Variants in SUGCT observed in about 807,000 individuals in gnomAD.
The protein encoded by SUGCT is succinyl-CoA:glutarate CoA-transferase.
In SUGCT, 41 loss-of-function variants were observed where a neutral mutation model predicts 55.0. The observed-to-expected ratio is 0.74, with a 90% CI of 0.58 to 0.97. The LOEUF (loss-of-function observed/expected upper bound fraction) is 0.97, where lower values mean the gene tolerates loss of function less well. Among genes scored for constraint, SUGCT ranks in the 50% least tolerant of loss-of-function variants. The pLI, the probability that SUGCT is intolerant of heterozygous loss-of-function variation, is 0.00. For missense variants in SUGCT, 568 were observed against 547.8 expected (o/e 1.04, Z -0.37); for synonymous variants, 187 against 200.4 (o/e 0.93, Z 0.56).
intron 13 of SUGCT, among the ~76,000 whole-genome samples, chr7:40,841,875 C>T (rs781258472): frequency 2.6e-4 from 39 of 152,006 alleles, no homozygotes; most frequent in Non-Finnish European, 5.0e-4. Context: ...GAATATTACT[C>T]GTGTATTTAA....
At chr7:40,522,562 C>T (rs1793594161) in intron 12 of SUGCT, among the ~76,000 whole-genome samples, 1 of 152,008 alleles carries the variant, frequency 6.6e-6, no homozygotes. Context: ...CCTCACTTGA[C>T]CCATCCTGAT....
chr7:40,939,804 CA>C, the SUGCT span, among the ~76,000 whole-genome samples: 1 of 152,028 alleles, frequency 6.6e-6, no homozygotes, highest in Non-Finnish European at 1.5e-5. Flanking sequence ...GCATAGTTTG[CA>C]AATATTTTCT....
chr7:40,725,355 T>C (rs1346861803), intron 12 of SUGCT, among the ~76,000 whole-genome samples: 1 of 152,210 alleles, frequency 6.6e-6, no homozygotes, highest in Non-Finnish European at 1.5e-5. Flanking sequence ...TATACTTTTA[T>C]GGTATGCATT....
At chr7:40,291,535 T>G in intron 8 of SUGCT, among the ~76,000 whole-genome samples, 2 of 146,398 alleles carry the variant, frequency 1.4e-5, no homozygotes, top group East Asian at 2.1e-4. Flanking sequence ...GGGATAGCAT[T>G]AGGAGATATA....
chr7:40,599,243 G>C lies in SUGCT; in HGVS notation c.1089+102857G>C, dbSNP rs138765875. Reference sequence around the variant, plus strand: ...ACAGGATACCATAGGGTTGGGAGAGGGTTTCTCAGAAGTTTGTGGGTAGCG... The same window carrying C: ...ACAGGATACCATAGGGTTGGGAGAGCGTTTCTCAGAAGTTTGTGGGTAGCG... On this transcript the variant is annotated intron_variant, in intron 12 of 13. Transcript: ENST00000335693. 2.0e-4 allele frequency among the ~76,000 whole-genome samples: 31 copies of C among 152,208 alleles called. No homozygotes were observed. The East Asian group carries it at 5.4e-3, about 27-fold the overall frequency.
At chr7:40,302,861 T>C (rs1794619635) in intron 8 of SUGCT, among the ~76,000 whole-genome samples, 1 of 151,800 alleles carries the variant, frequency 6.6e-6, no homozygotes, top group African/African-American at 2.4e-5. Flanking sequence ...AGATAACCAC[T>C]AAGTATTCAT....
At chr7:40,895,174 A>C in the SUGCT span, among the ~76,000 whole-genome samples, 1 of 152,190 alleles carries the variant, frequency 6.6e-6, no homozygotes, top group Non-Finnish European at 1.5e-5. Context: ...ACATAGATGG[A>C]GCTGGAGGCC....
the SUGCT span, among the ~76,000 whole-genome samples, chr7:40,948,248 A>C: frequency 6.6e-6 from 1 of 152,176 alleles, no homozygotes; most frequent in Non-Finnish European, 1.5e-5. Flanking sequence ...AAATACAAGC[A>C]TGGCTATTTG....
intron 13 of SUGCT, among the ~76,000 whole-genome samples, chr7:40,782,390 C>T (rs1789798469): frequency 6.6e-6 from 1 of 152,004 alleles, no homozygotes. Context: ...TCTTTCTTTT[C>T]ATTTTTCAGG....
chr7:40,675,927 T>C (rs1366631943), intron 12 of SUGCT, among the ~76,000 whole-genome samples: 1 of 152,162 alleles, frequency 6.6e-6, no homozygotes, highest in Non-Finnish European at 1.5e-5. Context: ...AAGAAAGATG[T>C]CTGTGGCCGC....
At chr7:40,324,261 A>ATTTATT (rs56656134) in intron 9 of SUGCT, among the ~76,000 whole-genome samples, 11 of 99,970 alleles carry the variant, frequency 1.1e-4, no homozygotes, top group East Asian at 6.6e-4. Flanking sequence ...AAATATATAT[A>ATTTATT]TATTTATTTT....
At chr7:40,543,518 G>A (rs1477298137) in intron 12 of SUGCT, among the ~76,000 whole-genome samples, 9 of 152,186 alleles carry the variant, frequency 5.9e-5, no homozygotes, top group Admixed American at 4.6e-4. Flanking sequence ...GAAGAACCCT[G>A]CCTTGCAAAA....
chr7:40,858,165 G>A (rs1013627893), intron 13 of SUGCT, among the ~76,000 whole-genome samples: 5 of 152,086 alleles, frequency 3.3e-5, no homozygotes, highest in African/African-American at 1.2e-4. Flanking sequence ...CTTTGGTGCA[G>A]TGGTTGACGC....
intron 9 of SUGCT, among the ~76,000 whole-genome samples, chr7:40,405,824 A>G (rs911405745): frequency 4.0e-5 from 6 of 151,628 alleles, no homozygotes; most frequent in South Asian, 2.1e-4. Context: ...AAAAAAAAAA[A>G]AAAAAAGAAA....
chr7:40,659,504 G>A lies in SUGCT; in HGVS notation c.1090-89930G>A, dbSNP rs1801198480. Among the ~76,000 whole-genome samples, 3 of 152,158 alleles carry A rather than the reference G, an allele frequency of 2.0e-5. No homozygotes were observed. In the South Asian group the frequency reaches 6.2e-4, roughly 32 times the overall value. On this transcript the variant is annotated intron_variant, in intron 12 of 13. Transcript: ENST00000335693. ...CCAAGGCAAAAGCTGCATGTGTTTTGTGACCTCAGCTCATAAGTCACAAAC... is the reference window on the plus strand; with the variant it reads ...CCAAGGCAAAAGCTGCATGTGTTTTATGACCTCAGCTCATAAGTCACAAAC...
At chr7:40,930,618 C>T in the SUGCT span, among the ~76,000 whole-genome samples, 5 of 152,124 alleles carry the variant, frequency 3.3e-5, no homozygotes, top group African/African-American at 1.2e-4. Context: ...TTGTAGTTCT[C>T]CTTGAAGAGG....
intron 12 of SUGCT, among the ~76,000 whole-genome samples, chr7:40,622,540 T>G (rs1049130843): frequency 2.0e-5 from 3 of 149,766 alleles, no homozygotes; most frequent in African/African-American, 7.3e-5. Context: ...TTTTTTTTTT[T>G]TTTTTTTTTT....
intron 6 of SUGCT, among the ~76,000 whole-genome samples, chr7:40,207,805 A>T (rs1459151471): frequency 6.6e-6 from 1 of 152,132 alleles, no homozygotes; most frequent in Non-Finnish European, 1.5e-5. Context: ...AAAAAAAAAA[A>T]ATTATACACA....
the SUGCT span, among the ~76,000 whole-genome samples, chr7:40,871,846 G>A: frequency 4.6e-5 from 7 of 152,114 alleles, no homozygotes; most frequent in Non-Finnish European, 8.8e-5. Flanking sequence ...TAGAGTAGGC[G>A]GTAAAGGATA....
Sources: gnomAD v4.1 joint callset for allele counts (sites outside exome capture counted in the v4.1 genomes callset) on GRCh38, gnomAD v4.1.1 for gene constraint, MANE v1.5 for transcripts, NCBI Gene and HGNC (gene_info 2026-07-23, HGNC 2026-07-21) for gene names.